PRKN: variants seen among roughly 807,000 people sequenced by gnomAD.
PRKN encodes the protein parkin RBR E3 ubiquitin protein ligase.
A neutral mutation model predicts 59.5 loss-of-function variants in PRKN; 56 were observed. The ratio of observed to expected loss-of-function variants is 0.94; its 90% CI spans 0.76 to 1.18. The LOEUF is 1.18. PRKN is among the 50% of genes most tolerant of loss of function. The pLI is 0.00. For missense variants in PRKN, 657 were observed against 596.4 expected (o/e 1.10, Z -1.06); for synonymous variants, 250 against 222.1 (o/e 1.13, Z -1.12).
intron 4 of PRKN, among the ~76,000 whole-genome samples, chr6:162,164,283 G>A (rs1782885357): frequency 6.7e-6 from 1 of 149,004 alleles, no homozygotes; most frequent in Non-Finnish European, 1.5e-5. Context: ...GAGGGCAGTG[G>A]CACTATCTCG....
intron 1 of PRKN, among the ~76,000 whole-genome samples, chr6:162,712,536 C>A (rs1052696357): frequency 4.6e-5 from 7 of 152,192 alleles, no homozygotes; most frequent in African/African-American, 1.7e-4. Flanking sequence ...GACGCTTATA[C>A]AACTTGCCAT....
rs1270191417 is a variant in PRKN at position 161,579,169 on chromosome 6, G to T, written c.872-9753C>A. Among the ~76,000 whole-genome samples the T allele has an allele frequency of 6.6e-6, 1 of 152,198 alleles. No individual in the cohort carries two copies. Among genetic ancestry groups the T allele is most frequent in the Non-Finnish European group, 1.5e-5 (1 of 68,016 alleles). On this transcript the variant is annotated intron_variant, in intron 7 of 11. Transcript: ENST00000366898. This position sits in a 1 kb window ranked among gnomAD's most constrained non-coding sequence, Gnocchi z 4.2. ...GGAAGTGAAGGAGATGGAATTTTGT[G>T]CTCTCTTTAATATGTTTTTCCACAG...
chr6:162,447,798 C>T lies in PRKN; in HGVS notation c.8-4325G>A, dbSNP rs554780235. On this transcript the variant is annotated intron_variant, in intron 1 of 11. Coordinates refer to ENST00000366898, the MANE Select transcript of PRKN (RefSeq NM_004562.3). ...CCTCCTGCACTGAGAAGAGCAATGT[C>T]ATTCATCAGCACAGCCCCATCCTCC... Among the ~76,000 whole-genome samples, 3 of 152,256 alleles carry T rather than the reference C, an allele frequency of 2.0e-5. No homozygotes were observed. In the East Asian group the frequency reaches 5.8e-4, roughly 29 times the overall value.
intron 1 of PRKN, among the ~76,000 whole-genome samples, chr6:162,622,504 G>A (rs1188460556): frequency 6.6e-6 from 1 of 152,000 alleles, no homozygotes; most frequent in South Asian, 2.1e-4. Context: ...ATTCTGCTGA[G>A]GGTATTAATT....
chr6:162,143,526 T>C (rs1193308533), intron 4 of PRKN, among the ~76,000 whole-genome samples: 3 of 152,200 alleles, frequency 2.0e-5, no homozygotes, highest in Non-Finnish European at 4.4e-5. Context: ...TGTACACTTC[T>C]GTCAGCTTTA....
At position 161,386,182 on chromosome 6, in the gene PRKN, C is replaced by T. The variant is rs1046253526; in HGVS notation, c.1167+612G>A. 9.2e-5 allele frequency among the ~76,000 whole-genome samples: 14 copies of T among 151,996 alleles called. No homozygotes were observed. The highest frequency in any genetic ancestry group is 4.2e-4 in the South Asian group (2 of 4,816). ...TGAGCAAATTCATCTACTGTGATGA[C>T]GTTTTTACTCTTTTTCCCTGAAGGT... On this transcript the variant is annotated intron_variant, in intron 10 of 11. Transcript: ENST00000366898. The surrounding 1 kb of genome is among the most constrained non-coding windows in gnomAD (Gnocchi z 4.3).
intron 7 of PRKN, among the ~76,000 whole-genome samples, chr6:161,636,082 GGCAC>G (rs1417956294): frequency 1.8e-4 from 28 of 152,264 alleles, no homozygotes; most frequent in African/African-American, 6.5e-4. Context: ...GAGTCTCCCA[GGCAC>G]TATGAGCAGG....
At chr6:162,530,804 C>G (rs946337632) in intron 1 of PRKN, among the ~76,000 whole-genome samples, 3 of 152,148 alleles carry the variant, frequency 2.0e-5, no homozygotes, top group Non-Finnish European at 4.4e-5. Flanking sequence ...CGCCCATAAT[C>G]CTGGTACTTT....
chr6:162,269,503 T>C (rs1780281407), intron 2 of PRKN: 1 of 152,204 alleles, frequency 6.6e-6, no homozygotes. Flanking sequence ...CCACCTTGGA[T>C]TGTCCACCTC....
intron 7 of PRKN, among the ~76,000 whole-genome samples, chr6:161,604,224 G>A (rs1782198410): frequency 6.6e-6 from 1 of 152,082 alleles, no homozygotes; most frequent in Admixed American, 6.5e-5. Context: ...ACCTTAAAAA[G>A]AGGTCAACTA....
At chr6:162,208,234 C>G (rs928196186) in intron 3 of PRKN, among the ~76,000 whole-genome samples, 11 of 152,292 alleles carry the variant, frequency 7.2e-5, no homozygotes, top group Non-Finnish European at 1.5e-4. Context: ...CTGCCTGTTC[C>G]ATGCTTTTAA....
intron 7 of PRKN, among the ~76,000 whole-genome samples, chr6:161,664,831 C>T (rs904510903): frequency 1.3e-5 from 2 of 151,366 alleles, no homozygotes; most frequent in African/African-American, 4.8e-5. Context: ...CTCTGTCACC[C>T]AGGCTGGAGT....
At chr6:161,703,301 C>A (rs1786331585) in intron 7 of PRKN, among the ~76,000 whole-genome samples, 3 of 151,858 alleles carry the variant, frequency 2.0e-5, no homozygotes, top group Admixed American at 2.0e-4. Context: ...TTGTCTCTAA[C>A]AAACAAAAAA....
chr6:161,680,766 TATA>T lies in PRKN; in HGVS notation c.871+105003_871+105005del, dbSNP rs1402171758. Among the ~76,000 whole-genome samples, 145 of 19,254 alleles carry T rather than the reference TATA, an allele frequency of 7.5e-3. 9 individuals are homozygous for T. Among genetic ancestry groups the T allele is most frequent in the South Asian group, 0.012 (4 of 346 alleles). The allele number at this position is 19,254 out of a possible 152,430, so 12.6% of individuals were successfully genotyped here. A position where few individuals can be genotyped will look rare whatever the true frequency, so the allele number is the denominator to read the frequency against. On this transcript the variant is annotated intron_variant, in intron 7 of 11. Coordinates refer to ENST00000366898, the MANE Select transcript of PRKN (RefSeq NM_004562.3). Reference sequence around the variant, plus strand: ...ATATATATATATATATATATATATATATATATATATTTTTTTTTTTTTTTCTTT... The same window carrying T: ...ATATATATATATATATATATATATATTATATATTTTTTTTTTTTTTTCTTT...
chr6:161,881,084 C>T (rs373980577), intron 6 of PRKN, among the ~76,000 whole-genome samples: 7 of 152,286 alleles, frequency 4.6e-5, no homozygotes, highest in East Asian at 3.9e-4. Flanking sequence ...GAAAGGAGGG[C>T]CTCACCAATG....
intron 1 of PRKN, among the ~76,000 whole-genome samples, chr6:162,451,993 G>A (rs1343940470): frequency 1.3e-5 from 2 of 151,932 alleles, no homozygotes; most frequent in African/African-American, 4.8e-5. Flanking sequence ...AAAACAACAA[G>A]AAAAGTTTGT....
At chr6:161,735,544 T>C (rs1020926177) in intron 7 of PRKN, among the ~76,000 whole-genome samples, 1 of 152,128 alleles carries the variant, frequency 6.6e-6, no homozygotes, top group Admixed American at 6.5e-5. Flanking sequence ...AGTCAAAAGT[T>C]GTACACAGAT....
intron 1 of PRKN, among the ~76,000 whole-genome samples, chr6:162,486,080 C>A (rs969237738): frequency 6.6e-6 from 1 of 152,062 alleles, no homozygotes; most frequent in Non-Finnish European, 1.5e-5. Context: ...ATTTTTGAAA[C>A]GTGCATACAC....
chr6:161,646,490 C>T (rs1427507465), intron 7 of PRKN, among the ~76,000 whole-genome samples: 3 of 120,786 alleles, frequency 2.5e-5, no homozygotes, highest in Non-Finnish European at 3.7e-5. Context: ...CGTGTGCATG[C>T]GTGGTGGAGG....
Sources: gnomAD v4.1 joint callset for allele counts (sites outside exome capture counted in the v4.1 genomes callset) on GRCh38, gnomAD v4.1.1 for gene constraint, Gnocchi (gnomAD v3.1) non-coding constraint, MANE v1.5 for transcripts, NCBI Gene and HGNC (gene_info 2026-07-23, HGNC 2026-07-21) for gene names.